The following MYSM1 variants were observed in gnomAD, a reference collection of about 807,000 sequenced individuals.
The protein encoded by MYSM1 is deubiquitinase MYSM1.
Under a neutral mutation model 116.0 loss-of-function variants are expected in MYSM1, and 51 were observed. The observed-to-expected ratio is 0.44, with a 90% confidence interval of 0.35 to 0.56. The LOEUF (loss-of-function observed/expected upper bound fraction) is 0.56, where lower values mean the gene tolerates loss of function less well. Ranked by LOEUF, MYSM1 falls within the 20% of genes least tolerant of loss-of-function variation. The pLI, the probability that MYSM1 is intolerant of heterozygous loss-of-function variation, is 0.00. For missense variants in MYSM1, 900 were observed against 974.9 expected, an observed-to-expected ratio of 0.92 and a Z score of 1.02; for synonymous variants, 313 against 315.2, an observed-to-expected ratio of 0.99 and a Z score of 0.07.
Position 58,692,860 on chromosome 1 carries a change from C to T in MYSM1, c.218+1G>A. 6.2e-7 allele frequency: 1 copy of T among 1,606,944 alleles called. No homozygotes were observed. Among genetic ancestry groups the T allele is most frequent in the Non-Finnish European group, 8.5e-7 (1 of 1,176,698 alleles). On this transcript the variant is annotated splice_donor_variant, in intron 3 of 19. Coordinates refer to ENST00000472487, the MANE Select transcript of MYSM1 (RefSeq NM_001085487.3). LOFTEE classifies it high-confidence loss of function. ...CTTTCCTCATAATCATTAAAGGATA[C>T]TCTTCTTCCAACAACATTTTCTCAA...
chr1:58,678,749 C>G (rs1215343135), intron 8 of MYSM1, among the ~76,000 whole-genome samples: 1 of 152,076 alleles, frequency 6.6e-6, no homozygotes, highest in Non-Finnish European at 1.5e-5. Context: ...TTTAGATAAG[C>G]CTCTAATTTC....
At chr1:58,689,257 AG>A (rs1644870658) in intron 5 of MYSM1, 141 bp from the exon 6 acceptor site, 1 of 621,230 alleles carries the variant, frequency 1.6e-6, no homozygotes, top group African/African-American at 1.9e-5. Context: ...AAACAAAACA[AG>A]AAGGCTACAG....
intron 14 of MYSM1, among the ~76,000 whole-genome samples, chr1:58,668,261 G>C (rs921363465): frequency 6.6e-6 from 1 of 152,094 alleles, no homozygotes; most frequent in Non-Finnish European, 1.5e-5. Context: ...TCTACACAAA[G>C]ACATCACAAA....
chr1:58,666,911 C>G (rs555397900), intron 16 of MYSM1, 127 bp downstream of exon 16: 34 of 425,940 alleles, frequency 8.0e-5, no homozygotes, highest in Non-Finnish European at 1.2e-4. Flanking sequence ...TAAAAATAAA[C>G]AAACAAAATC....
At chr1:58,682,573 A>G (rs1557519326) in intron 7 of MYSM1, 28 bp from the exon 8 acceptor site, 3 of 1,528,578 alleles carry the variant, frequency 2.0e-6, no homozygotes, top group South Asian at 1.3e-5. Context: ...TAAAATCCCC[A>G]TAATATTAAG....
At chr1:58,695,069 G>A (rs2100683269) in intron 2 of MYSM1, 60 bp downstream of exon 2, 1 of 893,776 alleles carries the variant, frequency 1.1e-6, no homozygotes. Flanking sequence ...AAAAAAAGAA[G>A]AAGCACTCTA....
chr1:58,690,476 A>C, intron 3 of MYSM1, 59 bp from the exon 4 acceptor site: 6 of 1,213,152 alleles, frequency 4.9e-6, no homozygotes, highest in Non-Finnish European at 7.1e-6. Context: ...TTTTTACATT[A>C]CTTATACAAA....
At chr1:58,669,512 T>TAC (rs1218762445) in intron 12 of MYSM1, among the ~76,000 whole-genome samples, 1 of 152,300 alleles carries the variant, frequency 6.6e-6, no homozygotes, top group East Asian at 1.9e-4. Flanking sequence ...ATTAATGTAT[T>TAC]ACTCCTATCA....
At chr1:58,661,379 G>C (rs1297694138) in intron 18 of MYSM1, 27 bp downstream of exon 18, 1 of 1,398,012 alleles carries the variant, frequency 7.2e-7, no homozygotes, top group African/African-American at 1.4e-5. Context: ...CTGCAGATGT[G>C]CAACCATCTC....
In MYSM1 at chr1:58,667,863, A is replaced by G. The variant is rs1198372392; in HGVS notation, c.1826T>C (p.Val609Ala). 7 of 1,608,572 alleles carry G rather than the reference A, an allele frequency of 4.4e-6. No homozygotes were observed. In the African/African-American group the frequency reaches 9.4e-5, roughly 22 times the overall value. ...IGLLGGRYSE[V>A]DKVVEVCAAE... Reference sequence around the variant, plus strand: ...AGAACTTACTTCAACTACTTTATCAACTTCTGAGTATCTTCCTCCTAACAG... The same window carrying G: ...AGAACTTACTTCAACTACTTTATCAGCTTCTGAGTATCTTCCTCCTAACAG... Residue 609 changes from valine (V) to alanine (A), a missense_variant, in exon 15 of 20, where the codon GTT becomes GCT. Val to Ala is a moderately conservative substitution (Grantham distance 64). Around this residue, in one of 3 missense-constraint regions of MYSM1, gnomAD observed 92 missense variants for 155.0 expected, o/e 0.59. Transcript: ENST00000472487.
intron 1 of MYSM1, among the ~76,000 whole-genome samples, chr1:58,699,325 A>C (rs917825315): frequency 5.3e-5 from 8 of 152,224 alleles, no homozygotes; most frequent in African/African-American, 1.4e-4. Flanking sequence ...CGTATGCTAA[A>C]GCATATCTCA....
chr1:58,690,628 G>C (rs199975285), intron 3 of MYSM1, among the ~76,000 whole-genome samples: 8 of 151,848 alleles, frequency 5.3e-5, no homozygotes, highest in Non-Finnish European at 1.0e-4. Flanking sequence ...CTTCAAATGT[G>C]GCCCAACACA....
rs374290548 is a variant in MYSM1 at position 58,665,626 on chromosome 1, G to A, written c.2037C>T (p.Tyr679=). The change falls in exon 17 of 20, where the codon TAC becomes TAT. Residue 679 remains tyrosine, a synonymous_variant. Transcript: ENST00000472487. ...TGAACTTTGCACCTCCTCTGGAGAA[G>A]TAACTCTACAATGACAAGAAAAATA... ...DIDTQAKYQS[Y]FSRGGAKFIG... is the part of the protein sequence containing the mutation. 57 of 1,544,408 alleles carry A rather than the reference G, an allele frequency of 3.7e-5. No homozygotes were observed. The African/African-American group carries it at 7.1e-4, about 19-fold the overall frequency.
At chr1:58,670,988 T>C (rs1249026837) in intron 12 of MYSM1, among the ~76,000 whole-genome samples, 1 of 152,192 alleles carries the variant, frequency 6.6e-6, no homozygotes, top group African/African-American at 2.4e-5. Flanking sequence ...TGGAGGACTA[T>C]TTTTTACATA....
intron 6 of MYSM1, among the ~76,000 whole-genome samples, chr1:58,686,288 C>A (rs1644826758): frequency 6.6e-6 from 1 of 152,098 alleles, no homozygotes; most frequent in African/African-American, 2.4e-5. Flanking sequence ...AATTTGACAG[C>A]TAAAAGGGAC....
At chr1:58,661,367 C>T (rs774337836) in intron 18 of MYSM1, 39 bp downstream of exon 18, 6 of 1,354,464 alleles carry the variant, frequency 4.4e-6, no homozygotes, top group Non-Finnish European at 4.2e-6. Flanking sequence ...TAATGAGCAA[C>T]ACTGCAGATG....
chr1:58,691,902 A>C (rs1163980814), intron 3 of MYSM1, among the ~76,000 whole-genome samples: 1 of 152,208 alleles, frequency 6.6e-6, no homozygotes. Flanking sequence ...TGGATTTCAA[A>C]GACTTAGTAC....
At chr1:58,675,651 T>G in intron 9 of MYSM1, 71 bp from the exon 10 acceptor site, 1 of 1,147,772 alleles carries the variant, frequency 8.7e-7, no homozygotes, top group Non-Finnish European at 1.3e-6. Flanking sequence ...GTAAGACACA[T>G]GTACACTGAC....
At chr1:58,681,016 G>T (rs907476440) in intron 8 of MYSM1, among the ~76,000 whole-genome samples, 7 of 151,978 alleles carry the variant, frequency 4.6e-5, no homozygotes, top group Non-Finnish European at 8.8e-5. Flanking sequence ...TTTTAGAAGG[G>T]ACAGGGTTTC....
Sources: allele counts gnomAD v4.1 joint callset (sites outside exome capture counted in the v4.1 genomes callset), GRCh38; gene constraint gnomAD v4.1.1; regional missense constraint gnomAD v4.1.1; transcripts MANE v1.5; gene names NCBI Gene and HGNC (gene_info 2026-07-23, HGNC 2026-07-21).